Variants in CADM1 observed in about 807,000 individuals in gnomAD.
The protein encoded by CADM1 is TSLC-1.
CADM1 carries 15 observed loss-of-function variants against 53.1 expected under a neutral mutation model. The observed-to-expected ratio is 0.28, with a 90% CI of 0.19 to 0.44. The LOEUF (loss-of-function observed/expected upper bound fraction) is 0.44, where lower values mean the gene tolerates loss of function less well. Ranked by LOEUF, CADM1 falls within the 20% of genes least tolerant of loss-of-function variation. CADM1 has a pLI of 1.00. For synonymous variants in CADM1, 281 were observed against 243.0 expected (o/e 1.16, Z -1.45); for missense variants, 434 against 611.3 (o/e 0.71, Z 3.06).
intron 10 of CADM1, chr11:115,179,017 C>A: frequency 1.9e-6 from 1 of 527,266 alleles, no homozygotes; most frequent in South Asian, 1.9e-5. Flanking sequence ...GCATGTGGAA[C>A]AAGCTTAGGG....
intron 1 of CADM1, among the ~76,000 whole-genome samples, chr11:115,348,714 ATTT>A (rs1246626540): frequency 9.9e-5 from 15 of 152,224 alleles, no homozygotes; most frequent in Middle Eastern, 3.4e-3. Context: ...CCAATCTTTA[ATTT>A]TCTTTAAGAG....
intron 1 of CADM1, among the ~76,000 whole-genome samples, chr11:115,362,720 A>G (rs1160322410): frequency 6.6e-6 from 1 of 152,200 alleles, no homozygotes; most frequent in African/African-American, 2.4e-5. Context: ...AAAGGAAAAA[A>G]AAGGCAAGAT....
intron 1 of CADM1, among the ~76,000 whole-genome samples, chr11:115,337,608 T>A (rs1008946287): frequency 3.3e-5 from 5 of 152,160 alleles, no homozygotes; most frequent in African/African-American, 9.6e-5. Context: ...TAATGCTGTT[T>A]AACGTTTGAT....
intron 1 of CADM1, among the ~76,000 whole-genome samples, chr11:115,443,374 T>C (rs1948370237): frequency 6.6e-6 from 1 of 152,130 alleles, no homozygotes; most frequent in African/African-American, 2.4e-5. Flanking sequence ...TAATGGCAGA[T>C]TGTACAATAA....
At position 115,209,447 on chromosome 11, in the gene CADM1, T is replaced by C. The variant is rs1940844942; in HGVS notation, c.1078+127A>G. 3.6e-6 allele frequency: 5 copies of C among 1,379,146 alleles called. No individual in the cohort carries two copies. The South Asian group carries it at 5.2e-5, about 14-fold the overall frequency. 85.4% of individuals were successfully genotyped at this position (1,379,146 alleles called of 1,614,324 possible). ...TTAAGAACATAGTATCTAATGTCGT[T>C]GGAGTTCCAAAATAAAGGAACGATT... On this transcript the variant is annotated intron_variant, in intron 8 of 11. Transcript: ENST00000331581.
chr11:115,452,566 A>G (rs1948597336), intron 1 of CADM1, among the ~76,000 whole-genome samples: 1 of 152,232 alleles, frequency 6.6e-6, no homozygotes, highest in Non-Finnish European at 1.5e-5. Context: ...GAGGTTTACC[A>G]CATTATAGGG....
chr11:115,306,069 AT>A (rs2135148254), intron 1 of CADM1, among the ~76,000 whole-genome samples: 1 of 4,760 alleles, frequency 2.1e-4, no homozygotes, highest in South Asian at 7.8e-3. Flanking sequence ...CAGAGGATAT[AT>A]ACCACACACA....
intron 10 of CADM1, among the ~76,000 whole-genome samples, chr11:115,183,372 T>G (rs1459958632): frequency 2.6e-5 from 4 of 152,198 alleles, no homozygotes; most frequent in African/African-American, 7.2e-5. Flanking sequence ...TAAACCGCCA[T>G]GCAAATGCCA....
At chr11:115,438,475 G>A (rs1948233503) in intron 1 of CADM1, among the ~76,000 whole-genome samples, 1 of 151,904 alleles carries the variant, frequency 6.6e-6, no homozygotes, top group Admixed American at 6.6e-5. Context: ...GGAAGGCAAC[G>A]ATGAAACAAA....
intron 10 of CADM1, 22 bp downstream of exon 10, chr11:115,190,866 T>A: frequency 6.3e-7 from 1 of 1,587,686 alleles, no homozygotes; most frequent in Admixed American, 1.7e-5. Context: ...CTGCAGTGCC[T>A]TACCTAATGA....
At chr11:115,237,044 G>A (rs971677642) in intron 3 of CADM1, among the ~76,000 whole-genome samples, 1 of 152,068 alleles carries the variant, frequency 6.6e-6, no homozygotes, top group Non-Finnish European at 1.5e-5. Context: ...TGCCATAAAC[G>A]ATGATGAGTC....
chr11:115,391,255 T>A (rs1711219491), intron 1 of CADM1, among the ~76,000 whole-genome samples: 1 of 152,250 alleles, frequency 6.6e-6, no homozygotes. Flanking sequence ...TTCTCTGTGA[T>A]CTCATGTTCC....
At chr11:115,180,228 G>C (rs1454932057) in intron 10 of CADM1, among the ~76,000 whole-genome samples, 2 of 152,146 alleles carry the variant, frequency 1.3e-5, no homozygotes, top group Non-Finnish European at 2.9e-5. Flanking sequence ...GAAATAACTC[G>C]TGACTGAGGG....
intron 9 of CADM1, 92 bp from the exon 10 acceptor site, chr11:115,191,033 T>C: frequency 9.6e-7 from 1 of 1,039,212 alleles, no homozygotes; most frequent in Non-Finnish European, 1.4e-6. Flanking sequence ...TTTAAAAACA[T>C]GAGCCAAATC....
At chr11:115,481,902 A>G (rs1315579385) in intron 1 of CADM1, among the ~76,000 whole-genome samples, 3 of 152,104 alleles carry the variant, frequency 2.0e-5, no homozygotes, top group African/African-American at 7.2e-5. Flanking sequence ...CTAATCCTCC[A>G]GATTCGTCCT....
rs1394397287 is a variant in CADM1, at chr11:115,173,884, T to C, written c.*2590A>G. ...ATCAATTATACATCCTTCATTATTT[T>C]ATATTCCTTTAAAAAACACAAAAAA... On this transcript the variant is annotated 3_prime_UTR_variant, in exon 12 of 12. Coordinates refer to ENST00000331581, the MANE Select transcript of CADM1 (RefSeq NM_001301043.2). 2.1e-6 allele frequency: 2 copies of C among 970,010 alleles called. No individual in the cohort carries two copies. Among genetic ancestry groups the C allele is most frequent in the African/African-American group, 1.8e-5 (1 of 56,878 alleles). The allele number at this position is 970,010 out of a possible 1,614,324, so 60.1% of individuals were successfully genotyped here.
chr11:115,425,920 A>C (rs577214061), intron 1 of CADM1, among the ~76,000 whole-genome samples: 1 of 152,302 alleles, frequency 6.6e-6, no homozygotes, highest in South Asian at 2.1e-4. Flanking sequence ...TGTGGGCTTC[A>C]AACAGAAACC....
intron 1 of CADM1, among the ~76,000 whole-genome samples, chr11:115,364,104 T>C (rs947344697): frequency 7.9e-5 from 12 of 152,164 alleles, no homozygotes; most frequent in African/African-American, 2.9e-4. Context: ...ACAACGCATT[T>C]CTCAGAACAT....
intron 1 of CADM1, among the ~76,000 whole-genome samples, chr11:115,412,937 C>T (rs113752910): frequency 1.3e-5 from 2 of 152,306 alleles, no homozygotes; most frequent in South Asian, 2.1e-4. Flanking sequence ...GTCACCATCA[C>T]TCCTAAAACC....
Sources: allele counts gnomAD v4.1 joint callset (sites outside exome capture counted in the v4.1 genomes callset), GRCh38; gene constraint gnomAD v4.1.1; transcripts MANE v1.5; gene names NCBI Gene and HGNC (gene_info 2026-07-23, HGNC 2026-07-21).